The following ADAMTS2 variants were observed in gnomAD, a reference collection of about 807,000 sequenced individuals.
ADAMTS2 encodes A disintegrin and metalloproteinase with thrombospondin motifs 2.
ADAMTS2 carries 50 observed loss-of-function variants against 123.0 expected under a neutral mutation model. The observed-to-expected ratio is 0.41, with a 90% CI of 0.32 to 0.51. ADAMTS2 has a LOEUF of 0.51. Among genes scored for constraint, ADAMTS2 ranks in the 20% least tolerant of loss-of-function variants. The pLI, the probability that ADAMTS2 is intolerant of heterozygous loss-of-function variation, is 0.35. For synonymous variants in ADAMTS2, 678 were observed against 695.4 expected (o/e 0.98, Z 0.39); for missense variants, 1,494 against 1,705.2 (o/e 0.88, Z 2.18).
At chr5:179,213,883 G>C (rs184638831) in intron 3 of ADAMTS2, among the ~76,000 whole-genome samples, 15 of 152,216 alleles carry the variant, frequency 9.9e-5, no homozygotes, top group Admixed American at 6.5e-5. Flanking sequence ...GAGAGACAAG[G>C]CCACAGTGAT....
At chr5:179,340,644 G>A (rs1256174214) in intron 2 of ADAMTS2, among the ~76,000 whole-genome samples, 2 of 152,266 alleles carry the variant, frequency 1.3e-5, no homozygotes, top group Admixed American at 1.3e-4. Flanking sequence ...TCGACTTTTG[G>A]AGCCTCAGTT....
In ADAMTS2 at chr5:179,345,192, G is replaced by A; in HGVS notation, c.137C>T (p.Pro46Leu). 1 of 1,110,860 alleles carries A rather than the reference G, an allele frequency of 9.0e-7. No individual in the cohort carries two copies. The highest frequency in any genetic ancestry group is 1.1e-6 in the Non-Finnish European group (1 of 915,928). 68.8% of individuals were successfully genotyped at this position (1,110,860 alleles called of 1,614,324 possible). ...NARLAAAADP[P>L]GGPLGHGAER... ...AGTAGGGGCCGGGCCGCACCTACCTGGGGGGTCGGCGGCGGCGGCGAGCCT... is the reference window on the plus strand; with the variant it reads ...AGTAGGGGCCGGGCCGCACCTACCTAGGGGGTCGGCGGCGGCGGCGAGCCT... Residue 46 changes from proline (P) to leucine (L), a missense_variant and splice_region_variant, in exon 1 of 22, where the codon CCA becomes CTA. Around this residue, in one of 6 missense-constraint regions of ADAMTS2, gnomAD observed 237 missense variants for 233.7 expected, o/e 1.01. Coordinates refer to ENST00000251582, the MANE Select transcript of ADAMTS2 (RefSeq NM_014244.5). The surrounding 1 kb of genome is among the most constrained non-coding windows in gnomAD (Gnocchi z 7.5).
At chr5:179,156,445 C>T (rs890116466) in intron 6 of ADAMTS2, among the ~76,000 whole-genome samples, 12 of 149,498 alleles carry the variant, frequency 8.0e-5, no homozygotes, top group Non-Finnish European at 1.3e-4. Flanking sequence ...CTGCAACCTC[C>T]GCCTCCTGGG....
chr5:179,332,033 G>A lies in ADAMTS2; in HGVS notation c.534+11734C>T, dbSNP rs1200067488. Among the ~76,000 whole-genome samples, 1 of 152,206 alleles carries A rather than the reference G, an allele frequency of 6.6e-6. No homozygotes were observed. Among genetic ancestry groups the A allele is most frequent in the Non-Finnish European group, 1.5e-5 (1 of 68,046 alleles). On this transcript the variant is annotated intron_variant, in intron 2 of 21. Transcript: ENST00000251582. The surrounding 1 kb of genome is among the most constrained non-coding windows in gnomAD (Gnocchi z 4.2). ...TGACCAGGCGGCTATAAATTGGGCGGGTCCCACAACTCCCTCCTCAGGTTC... is the reference window on the plus strand; with the variant it reads ...TGACCAGGCGGCTATAAATTGGGCGAGTCCCACAACTCCCTCCTCAGGTTC...
intron 4 of ADAMTS2, among the ~76,000 whole-genome samples, chr5:179,184,557 C>T (rs1429142848): frequency 6.6e-6 from 1 of 151,834 alleles, no homozygotes; most frequent in South Asian, 2.1e-4. Flanking sequence ...GCATTTTTCC[C>T]CACGTTTGAG....
At chr5:179,224,494 T>C (rs926373940) in intron 3 of ADAMTS2, among the ~76,000 whole-genome samples, 10 of 152,218 alleles carry the variant, frequency 6.6e-5, no homozygotes, top group Non-Finnish European at 1.5e-4. Context: ...AGAAATATAC[T>C]CTCCCAATTT....
At chr5:179,144,592 C>T (rs1443350339) in intron 10 of ADAMTS2, among the ~76,000 whole-genome samples, 1 of 152,186 alleles carries the variant, frequency 6.6e-6, no homozygotes, top group Non-Finnish European at 1.5e-5. Context: ...AGAACAAAAG[C>T]CTAGAACTAA....
intron 3 of ADAMTS2, among the ~76,000 whole-genome samples, chr5:179,213,654 C>T (rs1764911985): frequency 2.0e-5 from 3 of 152,156 alleles, no homozygotes; most frequent in Non-Finnish European, 4.4e-5. Flanking sequence ...GTTGGAGAAG[C>T]ATGAGATGGA....
At chr5:179,277,444 G>C in intron 2 of ADAMTS2, among the ~76,000 whole-genome samples, 1 of 31,196 alleles carries the variant, frequency 3.2e-5, no homozygotes, top group Non-Finnish European at 6.6e-5. Flanking sequence ...CCGCCCCCGA[G>C]ACCAAAGGCT....
rs1561791281 is a variant in ADAMTS2 at position 179,177,728 on chromosome 5, T to G, written c.975+3344A>C. ...TGCAAATGTTCTGACTGTGATCACA[T>G]ACTCCTTCTACCTACCTGAGGCAGT... On this transcript the variant is annotated intron_variant, in intron 5 of 21. Transcript: ENST00000251582. 3.9e-5 allele frequency among the ~76,000 whole-genome samples: 6 copies of G among 151,976 alleles called. No homozygotes were observed. In the South Asian group the frequency reaches 6.2e-4, roughly 16 times the overall value.
intron 3 of ADAMTS2, among the ~76,000 whole-genome samples, chr5:179,212,827 G>A (rs1764892802): frequency 6.6e-6 from 1 of 152,034 alleles, no homozygotes; most frequent in Admixed American, 6.5e-5. Context: ...GTCAGGCAGG[G>A]GCTTTGCAGT....
chr5:179,167,126 C>T lies in ADAMTS2; in HGVS notation c.976-8247G>A, dbSNP rs559185724. Among the ~76,000 whole-genome samples, 3 of 152,312 alleles carry T rather than the reference C, an allele frequency of 2.0e-5. No individual in the cohort carries two copies. The South Asian group carries it at 6.2e-4, about 32-fold the overall frequency. On this transcript the variant is annotated intron_variant, in intron 5 of 21. Coordinates refer to ENST00000251582, the MANE Select transcript of ADAMTS2 (RefSeq NM_014244.5). ...CGCTAGGCTCAGGCTTGGCACACGA[C>T]ACCTCGCTTCCACTTCATTTTCCTA...
At chr5:179,131,024 C>T (rs7722433) in intron 15 of ADAMTS2, among the ~76,000 whole-genome samples, 39,714 of 151,916 alleles carry the variant, frequency 0.26, 5,267 homozygotes, top group Middle Eastern at 0.34. Context: ...AAAGTTTCCT[C>T]TTAAGAGGCG....
intron 3 of ADAMTS2, among the ~76,000 whole-genome samples, chr5:179,214,670 T>C (rs1764934570): frequency 6.6e-6 from 1 of 152,188 alleles, no homozygotes; most frequent in African/African-American, 2.4e-5. Flanking sequence ...GTTCAACGAC[T>C]ACACAAAAAG....
intron 7 of ADAMTS2, among the ~76,000 whole-genome samples, 166 bp from the exon 8 acceptor site, chr5:179,154,358 C>A (rs1309445863): frequency 6.6e-6 from 1 of 152,190 alleles, no homozygotes; most frequent in African/African-American, 2.4e-5. Flanking sequence ...AATTTGAAAG[C>A]CGAGGCACTC....
At chr5:179,337,550 G>A (rs1326203772) in intron 2 of ADAMTS2, among the ~76,000 whole-genome samples, 1 of 152,218 alleles carries the variant, frequency 6.6e-6, no homozygotes, top group African/African-American at 2.4e-5. Context: ...CCACCAGCCT[G>A]CTGTGCCGGC....
At chr5:179,156,567 C>T (rs1763475575) in intron 6 of ADAMTS2, among the ~76,000 whole-genome samples, 1 of 152,104 alleles carries the variant, frequency 6.6e-6, no homozygotes, top group East Asian at 1.9e-4. Context: ...ACCATGTTAG[C>T]CAGGATGGTC....
intron 3 of ADAMTS2, among the ~76,000 whole-genome samples, chr5:179,218,874 C>A (rs996059318): frequency 6.6e-6 from 1 of 152,204 alleles, no homozygotes; most frequent in African/African-American, 2.4e-5. Context: ...CATACCCCCG[C>A]ACAGCAGAGG....
At chr5:179,114,431 A>G (rs1223309687) in intron 21 of ADAMTS2, 107 bp from the exon 22 acceptor site, 5 of 1,137,254 alleles carry the variant, frequency 4.4e-6, no homozygotes, top group Non-Finnish European at 5.1e-6. Context: ...GCCCAGAGAC[A>G]GCACAGAGGC....
Sources: allele counts gnomAD v4.1 joint callset (sites outside exome capture counted in the v4.1 genomes callset), GRCh38; gene constraint gnomAD v4.1.1; regional missense constraint gnomAD v4.1.1; non-coding constraint Gnocchi (gnomAD v3.1); transcripts MANE v1.5; gene names NCBI Gene and HGNC (gene_info 2026-07-23, HGNC 2026-07-21).